The following KDM4C variants were observed in gnomAD, a reference collection of about 807,000 sequenced individuals.
KDM4C encodes the protein lysine demethylase 4C.
KDM4C carries 81 observed loss-of-function variants against 129.3 expected under a neutral mutation model. The ratio of observed to expected loss-of-function variants is 0.63; its 90% confidence interval spans 0.52 to 0.75. The LOEUF (loss-of-function observed/expected upper bound fraction) is 0.75, where lower values mean the gene tolerates loss of function less well. KDM4C is among the 30% of genes least tolerant of loss of function. The probability of loss-of-function intolerance (pLI) is 0.00; values close to 1 mark genes in which losing one functional copy is unlikely to be tolerated. For synonymous variants in KDM4C, 573 were observed against 456.1 expected, an observed-to-expected ratio of 1.26 and a Z score of -3.26; for missense variants, 1,457 against 1,304.0, an observed-to-expected ratio of 1.12 and a Z score of -1.81.
At chr9:6,939,411 G>T (rs566453359) in intron 8 of KDM4C, among the ~76,000 whole-genome samples, 1 of 152,184 alleles carries the variant, frequency 6.6e-6, no homozygotes, top group East Asian at 2.0e-4. Flanking sequence ...ACATTATGGT[G>T]AGTTGTGTGA....
At chr9:6,771,502 G>A (rs1752146062) in intron 1 of KDM4C, among the ~76,000 whole-genome samples, 2 of 151,308 alleles carry the variant, frequency 1.3e-5, no homozygotes, top group Admixed American at 1.3e-4. Context: ...GTAGAGACGG[G>A]GTTTCTCCAT....
intron 5 of KDM4C, among the ~76,000 whole-genome samples, chr9:6,850,727 C>T (rs1838686766): frequency 6.6e-6 from 1 of 151,248 alleles, no homozygotes; most frequent in East Asian, 2.0e-4. Flanking sequence ...CCACCACACC[C>T]AGCCAATGTA....
chr9:6,835,164 G>T, intron 4 of KDM4C: 1 of 951,432 alleles, frequency 1.1e-6, no homozygotes, highest in Admixed American at 1.7e-5. Flanking sequence ...CCCTGGAGAA[G>T]AGCTATGAGC....
At chr9:6,805,355 A>G (rs1156256020) in intron 2 of KDM4C, among the ~76,000 whole-genome samples, 1 of 152,208 alleles carries the variant, frequency 6.6e-6, no homozygotes, top group African/African-American at 2.4e-5. Flanking sequence ...CAAGATGTTA[A>G]TAGTACCTAC....
chr9:6,809,600 C>T (rs1269317655), intron 3 of KDM4C, among the ~76,000 whole-genome samples: 1 of 152,138 alleles, frequency 6.6e-6, no homozygotes, highest in East Asian at 1.9e-4. Flanking sequence ...TGTGGTTGTT[C>T]ATAAGGAATG....
At chr9:6,760,089 G>A (rs184561361) in intron 1 of KDM4C, among the ~76,000 whole-genome samples, 2 of 152,022 alleles carry the variant, frequency 1.3e-5, no homozygotes, top group Admixed American at 1.3e-4. Context: ...CCTATTAGCT[G>A]TCATTGCCTA....
Position 6,916,201 on chromosome 9 carries a change from TG to T in KDM4C, c.921+22972del, listed in dbSNP as rs549854525. 2.4e-3 allele frequency among the ~76,000 whole-genome samples: 365 copies of T among 151,722 alleles called. 5 individuals carry two copies. Among genetic ancestry groups the T allele is most frequent in the African/African-American group, 8.6e-3 (357 of 41,416 alleles). On this transcript the variant is annotated intron_variant, in intron 8 of 21. Coordinates refer to ENST00000381309, the MANE Select transcript of KDM4C (RefSeq NM_015061.6). ...GTGTGTTTAGAAGGGTGGGTGGAGC[TG>T]GGCTATGAAGTGTCTTGAAAGTTTT...
chr9:7,054,912 C>G (rs562834624), intron 17 of KDM4C, among the ~76,000 whole-genome samples: 6 of 152,224 alleles, frequency 3.9e-5, no homozygotes, highest in African/African-American at 1.2e-4. Flanking sequence ...AATATTAAAT[C>G]ACATCTTTCA....
intron 19 of KDM4C, among the ~76,000 whole-genome samples, chr9:7,135,605 ATG>A (rs1177548718): frequency 6.6e-6 from 1 of 151,882 alleles, no homozygotes; most frequent in Admixed American, 6.6e-5. Context: ...GTTCTGAGCT[ATG>A]TGTTGAACAC....
chr9:6,805,943 A>G (rs1438786226), intron 3 of KDM4C, among the ~76,000 whole-genome samples, 169 bp downstream of exon 3: 2 of 152,170 alleles, frequency 1.3e-5, no homozygotes, highest in African/African-American at 2.4e-5. Flanking sequence ...GTTGCTGAAC[A>G]TTTGACTTAA....
At chr9:6,805,435 C>T (rs181682192) in intron 2 of KDM4C, among the ~76,000 whole-genome samples, 164 bp from the exon 3 acceptor site, 24 of 151,044 alleles carry the variant, frequency 1.6e-4, no homozygotes, top group African/African-American at 5.8e-4. Flanking sequence ...TATTGAATAA[C>T]ATCATATTGC....
intron 5 of KDM4C, among the ~76,000 whole-genome samples, chr9:6,877,951 G>C (rs965549682): frequency 2.0e-5 from 3 of 152,190 alleles, no homozygotes; most frequent in African/African-American, 4.8e-5. Flanking sequence ...ACATAGCTTT[G>C]TCATTATTTA....
At chr9:6,815,618 C>T (rs1346729939) in intron 4 of KDM4C, among the ~76,000 whole-genome samples, 1 of 152,190 alleles carries the variant, frequency 6.6e-6, no homozygotes, top group Non-Finnish European at 1.5e-5. Flanking sequence ...GTTAAGCATC[C>T]TTCATCCAGA....
rs192236515 is a variant in KDM4C, at chr9:7,155,244, C to G, written c.2782-9994C>G. Among the ~76,000 whole-genome samples the G allele has an allele frequency of 8.9e-4, 135 of 152,276 alleles. 1 individual carries two copies. The highest frequency in any genetic ancestry group is 2.7e-3 in the African/African-American group (112 of 41,562). On this transcript the variant is annotated intron_variant, in intron 19 of 21. Coordinates refer to ENST00000381309, the MANE Select transcript of KDM4C (RefSeq NM_015061.6). Reference sequence around the variant, plus strand: ...CTGAACCCAAGGATATGTGAACCAGCTGGAGACCTGTAAGAGGGAGGGCAG... The same window carrying G: ...CTGAACCCAAGGATATGTGAACCAGGTGGAGACCTGTAAGAGGGAGGGCAG...
chr9:6,858,607 C>G (rs1429305222), intron 5 of KDM4C, among the ~76,000 whole-genome samples: 3 of 152,058 alleles, frequency 2.0e-5, no homozygotes, highest in Non-Finnish European at 4.4e-5. Context: ...AACCCTCTGT[C>G]TACTAAATAT....
chr9:6,753,183 C>T (rs762819937), upstream of KDM4C, among the ~76,000 whole-genome samples: 1 of 152,232 alleles, frequency 6.6e-6, no homozygotes, highest in Non-Finnish European at 1.5e-5. Flanking sequence ...TAGAGCAGAA[C>T]TTCTACCTCT....
chr9:6,888,284 A>C (rs1324495097), intron 7 of KDM4C, among the ~76,000 whole-genome samples: 1 of 152,238 alleles, frequency 6.6e-6, no homozygotes, highest in East Asian at 1.9e-4. Context: ...GTTCACTTAT[A>C]ATTGTACTGA....
intron 4 of KDM4C, among the ~76,000 whole-genome samples, chr9:6,815,421 C>G (rs188456571): frequency 6.6e-6 from 1 of 151,936 alleles, no homozygotes; most frequent in East Asian, 1.9e-4. Context: ...CAGTATATTG[C>G]CCTGGCTGGT....
chr9:7,155,928 C>G (rs1039712008), intron 19 of KDM4C, among the ~76,000 whole-genome samples: 3 of 152,188 alleles, frequency 2.0e-5, no homozygotes, highest in Non-Finnish European at 4.4e-5. Flanking sequence ...CGTGAGCAAT[C>G]GCCATACTGT....
Sources: allele counts gnomAD v4.1 joint callset (sites outside exome capture counted in the v4.1 genomes callset), GRCh38; gene constraint gnomAD v4.1.1; transcripts MANE v1.5; gene names NCBI Gene and HGNC (gene_info 2026-07-23, HGNC 2026-07-21).